The following GMEB1 variants were observed in gnomAD, a reference collection of about 807,000 sequenced individuals.
The protein encoded by GMEB1 is glucocorticoid modulatory element binding protein 1.
In GMEB1, 6 loss-of-function variants were observed where a neutral mutation model predicts 52.4. The observed-to-expected ratio is 0.11, with a 90% CI of 0.06 to 0.23. GMEB1 has a LOEUF of 0.23. Ranked by LOEUF, GMEB1 falls within the 10% of genes least tolerant of loss-of-function variation. The pLI is 1.00. For missense variants in GMEB1, 486 were observed against 685.6 expected (o/e 0.71, Z 3.25); for synonymous variants, 255 against 244.9 (o/e 1.04, Z -0.38).
chr1:28,676,173 T>A (rs1669143916), intron 1 of GMEB1, among the ~76,000 whole-genome samples: 2 of 152,216 alleles, frequency 1.3e-5, no homozygotes, highest in African/African-American at 4.8e-5. Context: ...AACCATCTAT[T>A]CAGAATGTTG....
chr1:28,700,513 CAAA>C (rs35332797), intron 6 of GMEB1, among the ~76,000 whole-genome samples: 11 of 82,444 alleles, frequency 1.3e-4, no homozygotes, highest in Admixed American at 7.4e-4. Flanking sequence ...GACTCCATCT[CAAA>C]AAAAAAAAAA....
At chr1:28,710,739 TTA>T in intron 9 of GMEB1, 97 bp downstream of exon 9, 2 of 834,270 alleles carry the variant, frequency 2.4e-6, no homozygotes, top group Non-Finnish European at 3.4e-6. Context: ...TTTTTTTTTT[TTA>T]AATAGTATCA....
At chr1:28,687,124 C>G (rs1186047753) in intron 2 of GMEB1, among the ~76,000 whole-genome samples, 1 of 151,350 alleles carries the variant, frequency 6.6e-6, no homozygotes, top group Non-Finnish European at 1.5e-5. Context: ...TCACTTGAGT[C>G]CAGGAGTTCA....
At chr1:28,675,590 C>T (rs145771500) in intron 1 of GMEB1, among the ~76,000 whole-genome samples, 1,701 of 150,148 alleles carry the variant, frequency 0.011, 25 homozygotes, top group Middle Eastern at 0.056. Context: ...TGAGGCACAA[C>T]AATCGCTTGA....
At chr1:28,683,237 T>C (rs907293062) in intron 1 of GMEB1, among the ~76,000 whole-genome samples, 3 of 152,002 alleles carry the variant, frequency 2.0e-5, no homozygotes, top group African/African-American at 7.2e-5. Flanking sequence ...TTTTCTTTTT[T>C]TTTTTGAGAC....
intron 1 of GMEB1, among the ~76,000 whole-genome samples, chr1:28,670,207 C>G (rs1424011598): frequency 6.7e-6 from 1 of 149,622 alleles, no homozygotes; most frequent in Non-Finnish European, 1.5e-5. Context: ...ACTCTATCGC[C>G]CAGGCTGGAG....
At chr1:28,690,842 G>A (rs1396063921) in intron 3 of GMEB1, among the ~76,000 whole-genome samples, 1 of 151,994 alleles carries the variant, frequency 6.6e-6, no homozygotes, top group Non-Finnish European at 1.5e-5. Flanking sequence ...TTAGCTGGGT[G>A]TAGTGGTGCG....
intron 1 of GMEB1, among the ~76,000 whole-genome samples, chr1:28,676,240 G>C (rs1473878861): frequency 6.6e-6 from 1 of 152,106 alleles, no homozygotes; most frequent in Non-Finnish European, 1.5e-5. Context: ...TTCTAAATCT[G>C]CTTCTTTAAC....
At chr1:28,699,663 G>C (rs1480024214) in intron 6 of GMEB1, among the ~76,000 whole-genome samples, 3 of 151,590 alleles carry the variant, frequency 2.0e-5, no homozygotes, top group Admixed American at 6.6e-5. Flanking sequence ...CTCCTGACTT[G>C]AGGTGATCCA....
intron 1 of GMEB1, among the ~76,000 whole-genome samples, chr1:28,677,107 T>C (rs928232935): frequency 6.6e-5 from 10 of 151,500 alleles, no homozygotes; most frequent in Non-Finnish European, 1.3e-4. Context: ...ATGTGAAACA[T>C]AATCGAATTT....
intron 2 of GMEB1, 90 bp downstream of exon 2, chr1:28,683,830 G>A: frequency 8.0e-7 from 1 of 1,247,600 alleles, no homozygotes; most frequent in Non-Finnish European, 1.1e-6. Flanking sequence ...TAGCACAATG[G>A]AACATTTAAC....
chr1:28,669,396 G>T (rs1335007283), intron 1 of GMEB1, among the ~76,000 whole-genome samples: 1 of 152,140 alleles, frequency 6.6e-6, no homozygotes, highest in East Asian at 1.9e-4. Flanking sequence ...CTGGAAGCCC[G>T]GATGCCCGCC....
chr1:28,694,178 G>C (rs1166054811), intron 5 of GMEB1, among the ~76,000 whole-genome samples: 1 of 151,204 alleles, frequency 6.6e-6, no homozygotes, highest in Non-Finnish European at 1.5e-5. Context: ...GACATGGTCT[G>C]TGTGTTGTAG....
At chr1:28,699,934 G>T (rs539990846) in intron 6 of GMEB1, among the ~76,000 whole-genome samples, 1 of 151,584 alleles carries the variant, frequency 6.6e-6, no homozygotes, top group East Asian at 1.9e-4. Flanking sequence ...AATTAGCTGA[G>T]CATGGCGGTG....
intron 1 of GMEB1, among the ~76,000 whole-genome samples, chr1:28,673,384 G>C (rs1280204691): frequency 2.0e-5 from 3 of 152,082 alleles, no homozygotes; most frequent in Admixed American, 6.6e-5. Flanking sequence ...AGCCTCCTGA[G>C]TAGCTGGGAT....
chr1:28,692,278 T>G (rs1247391929), intron 4 of GMEB1, among the ~76,000 whole-genome samples: 1 of 152,018 alleles, frequency 6.6e-6, no homozygotes, highest in Non-Finnish European at 1.5e-5. Flanking sequence ...ATGCCTGTAA[T>G]CCCAGCACTT....
At chr1:28,689,929 A>G in intron 2 of GMEB1, 175 bp from the exon 3 acceptor site, 1 of 487,154 alleles carries the variant, frequency 2.1e-6, no homozygotes, top group Non-Finnish European at 3.6e-6. Context: ...GAAGCTGCTA[A>G]GCAATCCTGG....
intron 1 of GMEB1, among the ~76,000 whole-genome samples, chr1:28,681,849 T>C (rs1012410928): frequency 6.6e-6 from 1 of 152,052 alleles, no homozygotes; most frequent in South Asian, 2.1e-4. Context: ...ATTACAGGCA[T>C]GTACCACCGC....
intron 1 of GMEB1, among the ~76,000 whole-genome samples, chr1:28,679,021 C>T (rs1334047002): frequency 6.6e-6 from 1 of 152,112 alleles, no homozygotes; most frequent in Non-Finnish European, 1.5e-5. Flanking sequence ...AGCAATTCTC[C>T]TGCCTCAACC....
Sources: allele counts gnomAD v4.1 joint callset (sites outside exome capture counted in the v4.1 genomes callset), GRCh38; gene constraint gnomAD v4.1.1; transcripts MANE v1.5; gene names NCBI Gene and HGNC (gene_info 2026-07-23, HGNC 2026-07-21).